ELMO1: variants seen among roughly 807,000 people sequenced by gnomAD.
ELMO1 encodes engulfment and cell motility 1.
A neutral mutation model predicts 98.9 loss-of-function variants in ELMO1; 26 were observed. The ratio of observed to expected loss-of-function variants is 0.26; its 90% CI spans 0.19 to 0.36. ELMO1 has a LOEUF of 0.36. Ranked by LOEUF, ELMO1 falls within the 10% of genes least tolerant of loss-of-function variation. The pLI is 1.00. For synonymous variants in ELMO1, 346 were observed against 346.0 expected, an observed-to-expected ratio of 1.00 and a Z score of 0.00; for missense variants, 627 against 935.2, an observed-to-expected ratio of 0.67 and a Z score of 4.30.
intron 14 of ELMO1, among the ~76,000 whole-genome samples, chr7:37,105,531 C>T (rs1018317991): frequency 6.6e-6 from 1 of 152,158 alleles, no homozygotes; most frequent in Non-Finnish European, 1.5e-5. Context: ...TATTAAAATG[C>T]AGATTGCTGG....
At chr7:36,918,804 T>C (rs1413458979) in intron 16 of ELMO1, among the ~76,000 whole-genome samples, 1 of 152,232 alleles carries the variant, frequency 6.6e-6, no homozygotes, top group African/African-American at 2.4e-5. Context: ...GTACCCCATC[T>C]GCTCTTCCAA....
At chr7:37,043,956 C>G (rs1795665321) in intron 15 of ELMO1, among the ~76,000 whole-genome samples, 1 of 152,106 alleles carries the variant, frequency 6.6e-6, no homozygotes, top group African/African-American at 2.4e-5. Context: ...ATCTCCATTC[C>G]CCAAGACTTG....
At chr7:37,082,551 T>C (rs1025409716) in intron 15 of ELMO1, among the ~76,000 whole-genome samples, 9 of 151,624 alleles carry the variant, frequency 5.9e-5, no homozygotes, top group East Asian at 1.9e-4. Flanking sequence ...CAAAAAAAAA[T>C]TGGTATAGTG....
intron 1 of ELMO1, among the ~76,000 whole-genome samples, chr7:37,418,730 C>T (rs960364621): frequency 5.3e-5 from 8 of 152,154 alleles, no homozygotes; most frequent in Non-Finnish European, 1.0e-4. Context: ...TCCAGAAACA[C>T]ACAGATGCGG....
intron 4 of ELMO1, among the ~76,000 whole-genome samples, chr7:37,281,481 G>A (rs1362951340): frequency 6.6e-6 from 1 of 152,172 alleles, no homozygotes; most frequent in East Asian, 1.9e-4. Flanking sequence ...TCAACTCACA[G>A]TGCCAAGAAA....
At chr7:37,247,407 A>G (rs1422745451) in intron 6 of ELMO1, among the ~76,000 whole-genome samples, 2 of 152,152 alleles carry the variant, frequency 1.3e-5, no homozygotes, top group Non-Finnish European at 2.9e-5. Context: ...GGGTTACACC[A>G]GGCCATCTTA....
chr7:37,252,422 T>C (rs553094640), intron 6 of ELMO1, among the ~76,000 whole-genome samples: 2 of 152,156 alleles, frequency 1.3e-5, no homozygotes, highest in African/African-American at 2.4e-5. Flanking sequence ...TCAGAAATAA[T>C]GCCACACATC....
At chr7:37,085,165 A>G (rs983750603) in intron 15 of ELMO1, among the ~76,000 whole-genome samples, 1 of 152,136 alleles carries the variant, frequency 6.6e-6, no homozygotes, top group Non-Finnish European at 1.5e-5. Flanking sequence ...TTTACAACCA[A>G]AGGCTCCAGG....
At chr7:37,289,803 T>C (rs1314531477) in intron 4 of ELMO1, among the ~76,000 whole-genome samples, 2 of 151,780 alleles carry the variant, frequency 1.3e-5, no homozygotes, top group African/African-American at 4.8e-5. Flanking sequence ...GAAATTAAAA[T>C]CTGAGGCTTT....
intron 16 of ELMO1, among the ~76,000 whole-genome samples, chr7:36,896,920 G>T (rs971324853): frequency 2.0e-5 from 3 of 152,328 alleles, no homozygotes; most frequent in Admixed American, 6.5e-5. Flanking sequence ...CTTGTGGGAG[G>T]CTGGACATGG....
At chr7:37,294,158 T>C (rs1017259315) in intron 4 of ELMO1, among the ~76,000 whole-genome samples, 3 of 152,222 alleles carry the variant, frequency 2.0e-5, no homozygotes, top group Non-Finnish European at 2.9e-5. Flanking sequence ...CAAGAAGATC[T>C]TGATCTGCCT....
At chr7:37,120,577 G>T (rs936515638) in intron 14 of ELMO1, among the ~76,000 whole-genome samples, 1 of 152,226 alleles carries the variant, frequency 6.6e-6, no homozygotes, top group Admixed American at 6.5e-5. Flanking sequence ...GAGTCTAGGG[G>T]AGGGGCACCC....
chr7:36,933,035 C>T lies in ELMO1; in HGVS notation c.1438-38018G>A, dbSNP rs370566315. On this transcript the variant is annotated intron_variant, in intron 16 of 21. Coordinates refer to ENST00000310758, the MANE Select transcript of ELMO1 (RefSeq NM_014800.11). ...AAAGTTGTGAAGCTATCACTTCTGT[C>T]CCATTCTCAATCACAATCCCGCACT... Among the ~76,000 whole-genome samples the T allele has an allele frequency of 2.0e-4, 30 of 152,284 alleles. 1 individual carries two copies. In the East Asian group the frequency reaches 3.7e-3, roughly 19 times the overall value.
chr7:37,127,538 T>G (rs1318912695), intron 14 of ELMO1, among the ~76,000 whole-genome samples: 2 of 152,158 alleles, frequency 1.3e-5, no homozygotes, highest in African/African-American at 4.8e-5. Flanking sequence ...TATAAAATGG[T>G]GATAACAATG....
intron 16 of ELMO1, among the ~76,000 whole-genome samples, chr7:36,955,257 T>C (rs1248686750): frequency 2.6e-5 from 4 of 152,192 alleles, no homozygotes; most frequent in Non-Finnish European, 5.9e-5. Context: ...TCCTATACTA[T>C]CTGCTTCTAC....
At chr7:36,908,301 T>C in intron 16 of ELMO1, among the ~76,000 whole-genome samples, 1 of 152,222 alleles carries the variant, frequency 6.6e-6, no homozygotes, top group East Asian at 1.9e-4. Context: ...CAACCACCAT[T>C]TTCCTTCTTT....
chr7:37,112,269 T>C (rs1785295197), intron 14 of ELMO1, among the ~76,000 whole-genome samples: 1 of 152,108 alleles, frequency 6.6e-6, no homozygotes, highest in African/African-American at 2.4e-5. Context: ...TACGATTATA[T>C]AATTCCAAAC....
chr7:36,987,586 A>G lies in ELMO1; in HGVS notation c.1437+25713T>C, dbSNP rs527887239. Among the ~76,000 whole-genome samples the G allele has an allele frequency of 1.2e-4, 18 of 152,320 alleles. 1 individual carries two copies. In the East Asian group the frequency reaches 3.5e-3, roughly 29 times the overall value. The stretch of plus-strand genomic sequence containing the variant: ...GGACCCTCAGCCCGTAATGACCCAG[A>G]TGAGGCTTCTGAGGAGACTGGGACC... On this transcript the variant is annotated intron_variant, in intron 16 of 21. Coordinates refer to ENST00000310758, the MANE Select transcript of ELMO1 (RefSeq NM_014800.11).
chr7:37,032,468 G>A (rs1794932975), intron 15 of ELMO1, among the ~76,000 whole-genome samples: 1 of 152,194 alleles, frequency 6.6e-6, no homozygotes, highest in Admixed American at 6.5e-5. Context: ...AAGGAGGGAT[G>A]CTCGAAGGAC....
Sources: gnomAD v4.1 joint callset for allele counts (sites outside exome capture counted in the v4.1 genomes callset) on GRCh38, gnomAD v4.1.1 for gene constraint, MANE v1.5 for transcripts, NCBI Gene and HGNC (gene_info 2026-07-23, HGNC 2026-07-21) for gene names.